CNRIP1: variants seen among roughly 807,000 people sequenced by gnomAD.
CNRIP1 encodes CB1 cannabinoid receptor-interacting protein 1.
CNRIP1 carries 10 observed loss-of-function variants against 15.2 expected under a neutral mutation model. The observed-to-expected ratio is 0.66, with a 90% CI of 0.41 to 1.12. CNRIP1 has a LOEUF of 1.12. Among genes scored for constraint, CNRIP1 ranks in the 50% most tolerant of loss-of-function variants. The pLI, the probability that CNRIP1 is intolerant of heterozygous loss-of-function variation, is 0.00. For missense variants in CNRIP1, 211 were observed against 214.7 expected, an observed-to-expected ratio of 0.98 and a Z score of 0.11; for synonymous variants, 91 against 83.2, an observed-to-expected ratio of 1.09 and a Z score of -0.51.
chr2:68,316,526 T>G (rs2103693149), intron 2 of CNRIP1: 1 of 152,084 alleles, frequency 6.6e-6, no homozygotes, highest in African/African-American at 2.4e-5. Context: ...GACTCTATCC[T>G]TTCTACCAAT....
intron 2 of CNRIP1, among the ~76,000 whole-genome samples, chr2:68,285,786 T>A (rs1671017638): frequency 6.6e-6 from 1 of 152,282 alleles, no homozygotes; most frequent in East Asian, 1.9e-4. Flanking sequence ...CATATGGGTT[T>A]TAATACATGT....
rs151265044 is a variant in CNRIP1 at position 68,294,026 on chromosome 2, A to G, written c.331T>C (p.Phe111Leu). The G allele has an allele frequency of 3.4e-4, 542 of 1,613,194 alleles. No individual in the cohort carries two copies. The highest frequency in any genetic ancestry group is 4.4e-4 in the Non-Finnish European group (521 of 1,179,424). ...ERQPIQITMP[F>L]TDIGTFETVW... ...GTCTCGAAGGTCCCAATGTCTGTGA[A>G]CTGAGGGAAGAGAAACATGCCTGAT... Residue 111 changes from phenylalanine (F) to leucine (L), a missense_variant and splice_region_variant, in exon 3 of 3, where the codon TTC becomes CTC. Physicochemically the swap from Phe to Leu is conservative, Grantham distance 22. Transcript: ENST00000263655.
intron 2 of CNRIP1, among the ~76,000 whole-genome samples, chr2:68,305,793 C>CAAA (rs549415627): frequency 2.1e-4 from 20 of 94,158 alleles, no homozygotes; most frequent in African/African-American, 5.8e-4. Flanking sequence ...AAGACTCTTC[C>CAAA]AAAAAAAAAA....
intron 2 of CNRIP1, among the ~76,000 whole-genome samples, chr2:68,304,983 G>A (rs956627725): frequency 3.3e-5 from 5 of 152,094 alleles, no homozygotes; most frequent in Middle Eastern, 3.4e-3. Flanking sequence ...AGCAGCTCAC[G>A]CCTATAATCC....
At chr2:68,291,262 C>T (rs974632144), downstream of CNRIP1, among the ~76,000 whole-genome samples, 4 of 152,024 alleles carry the variant, frequency 2.6e-5, no homozygotes, top group African/African-American at 4.8e-5. Flanking sequence ...CATACACATA[C>T]GACATAGACA....
intron 2 of CNRIP1, among the ~76,000 whole-genome samples, chr2:68,305,688 C>T (rs1036799428): frequency 2.0e-5 from 3 of 149,168 alleles, no homozygotes; most frequent in South Asian, 2.1e-4. Flanking sequence ...CCCATCTACT[C>T]GGGAGGCTGA....
intron 2 of CNRIP1, among the ~76,000 whole-genome samples, chr2:68,298,034 T>C (rs915158969): frequency 6.6e-6 from 1 of 152,198 alleles, no homozygotes; most frequent in Non-Finnish European, 1.5e-5. Context: ...TTTATCATCT[T>C]ACAATAATAT....
At chr2:68,306,359 T>C (rs1410674262) in intron 2 of CNRIP1, among the ~76,000 whole-genome samples, 1 of 150,790 alleles carries the variant, frequency 6.6e-6, no homozygotes, top group African/African-American at 2.4e-5. Flanking sequence ...AGTACCAGGA[T>C]ACTGTTTACC....
rs1303304062 is a variant in CNRIP1, at chr2:68,315,633, A to C, written c.330+1524T>G. Among the ~76,000 whole-genome samples, 3 of 152,234 alleles carry C rather than the reference A, an allele frequency of 2.0e-5. No individual in the cohort carries two copies. The East Asian group carries it at 5.8e-4, about 29-fold the overall frequency. ...TATATGGGCATATATTTGACATTGAAAGATGTATACAAGTAGAAAAAAGTA... is the reference window on the plus strand; with the variant it reads ...TATATGGGCATATATTTGACATTGACAGATGTATACAAGTAGAAAAAAGTA... On this transcript the variant is annotated intron_variant, in intron 2 of 2. Transcript: ENST00000263655.
chr2:68,305,580 G>A (rs983347970), intron 2 of CNRIP1, among the ~76,000 whole-genome samples: 2 of 151,692 alleles, frequency 1.3e-5, no homozygotes, highest in Non-Finnish European at 2.9e-5. Flanking sequence ...CAGTTCACGA[G>A]GTCAGGAGAT....
intron 2 of CNRIP1, among the ~76,000 whole-genome samples, chr2:68,296,113 CA>C (rs1671347548): frequency 6.6e-6 from 1 of 152,086 alleles, no homozygotes; most frequent in Non-Finnish European, 1.5e-5. Context: ...ACTAAAGGTC[CA>C]TCTTTAAGGC....
downstream of CNRIP1, among the ~76,000 whole-genome samples, chr2:68,290,313 C>T (rs1671136139): frequency 6.6e-6 from 1 of 152,150 alleles, no homozygotes; most frequent in Non-Finnish European, 1.5e-5. Flanking sequence ...CAGGCGTGAG[C>T]CACTGCGCTT....
chr2:68,319,136 T>C, intron 1 of CNRIP1, 86 bp downstream of exon 1: 5 of 1,364,306 alleles, frequency 3.7e-6, no homozygotes, highest in Non-Finnish European at 4.8e-6. Context: ...CAGAGGCCCT[T>C]GAGAGGCTCG....
At chr2:68,303,952 C>T (rs1671711654) in intron 2 of CNRIP1, among the ~76,000 whole-genome samples, 1 of 152,022 alleles carries the variant, frequency 6.6e-6, no homozygotes, top group Non-Finnish European at 1.5e-5. Flanking sequence ...GTGGTGCATG[C>T]CTGTAATTCC....
intron 2 of CNRIP1, among the ~76,000 whole-genome samples, chr2:68,310,439 G>A (rs1287260431): frequency 6.6e-6 from 1 of 152,184 alleles, no homozygotes; most frequent in Non-Finnish European, 1.5e-5. Flanking sequence ...TTGGCTGACT[G>A]CTAAGCTCCA....
rs146572383 is a variant in CNRIP1, at chr2:68,284,810, C to CAAA, written c.331-329_331-327dup. Among the ~76,000 whole-genome samples the CAAA allele has an allele frequency of 1.3e-3, 94 of 73,766 alleles. 1 individual carries two copies. The South Asian group carries it at 0.032, about 25-fold the overall frequency. 48.4% of individuals were successfully genotyped at this position (73,766 alleles called of 152,430 possible). ...TGAGTGACAGAGCGAGACTCTGTCT[C>CAAA]AAAAAAAAAAAAAAAAAAGAAAAGA... is the stretch of plus-strand genomic sequence containing the variant. On this transcript the variant is annotated intron_variant, in intron 2 of 2. Transcript: ENST00000409559.
chr2:68,316,878 TATA>T (rs1193429141), intron 2 of CNRIP1: 6 of 601,218 alleles, frequency 1.0e-5, no homozygotes, highest in African/African-American at 5.6e-5. Context: ...TGAAGTAGAC[TATA>T]ACTGGGAAAA....
At chr2:68,317,544 T>C (rs911924729) in intron 1 of CNRIP1, among the ~76,000 whole-genome samples, 9 of 152,340 alleles carry the variant, frequency 5.9e-5, no homozygotes, top group East Asian at 1.9e-4. Context: ...GTTTGGACAC[T>C]GGTACATTTA....
At chr2:68,316,954 T>C (rs1672293140) in intron 2 of CNRIP1, 7 of 667,540 alleles carry the variant, frequency 1.0e-5, no homozygotes, top group Admixed American at 2.4e-5. Context: ...CTTTTCAGCA[T>C]CTACAGGGTC....
Sources: gnomAD v4.1 joint callset for allele counts (sites outside exome capture counted in the v4.1 genomes callset) on GRCh38, gnomAD v4.1.1 for gene constraint, MANE v1.5 for transcripts, NCBI Gene and HGNC (gene_info 2026-07-23, HGNC 2026-07-21) for gene names.